OSTC: variants seen among roughly 807,000 people sequenced by gnomAD.
OSTC encodes the protein oligosaccharyltransferase complex subunit OSTC.
A neutral mutation model predicts 16.4 loss-of-function variants in OSTC; 16 were observed. That is an observed-to-expected ratio of 0.98 (90% CI 0.66 to 1.49). The LOEUF (loss-of-function observed/expected upper bound fraction) is 1.49, where lower values mean the gene tolerates loss of function less well. OSTC is among the 40% of genes most tolerant of loss of function. OSTC has a pLI of 0.00. For synonymous variants in OSTC, 67 were observed against 68.5 expected, an observed-to-expected ratio of 0.98 and a Z score of 0.11; for missense variants, 139 against 186.3, an observed-to-expected ratio of 0.75 and a Z score of 1.48.
In OSTC at chr4:108,657,448, A is replaced by G; in HGVS notation, c.234-2A>G. 1 of 1,603,888 alleles carries G rather than the reference A, an allele frequency of 6.2e-7. No homozygotes were observed. Among genetic ancestry groups the G allele is most frequent in the Non-Finnish European group, 8.5e-7 (1 of 1,172,460 alleles). On this transcript the variant is annotated splice_acceptor_variant, in intron 2 of 3. Transcript: ENST00000361564. LOFTEE classifies it high-confidence loss of function. ...TTCTATGGTCATTCTTTTCTTTTCC[A>G]GAGTAAATGGACAATATATTATGGA...
At position 108,662,348 on chromosome 4, in the gene OSTC, G is replaced by A. The variant is rs17585345; in HGVS notation, c.431+4701G>A. Among the ~76,000 whole-genome samples the A allele has an allele frequency of 8.5e-3, 1,298 of 152,174 alleles. 7 individuals carry two copies. The highest frequency in any genetic ancestry group is 0.014 in the Non-Finnish European group (921 of 67,992). On this transcript the variant is annotated intron_variant, in intron 3 of 3. Transcript: ENST00000361564. ...ATACTAAAACATTGTATTCATTTTC[G>A]ACAGACCCTCTTTCTAAAGCGTTTG...
intron 3 of OSTC, among the ~76,000 whole-genome samples, chr4:108,658,525 T>C (rs1726770717): frequency 1.3e-5 from 2 of 152,070 alleles, no homozygotes; most frequent in Admixed American, 1.3e-4. Flanking sequence ...AAAAATAAGA[T>C]CGTTTATGGC....
chr4:108,667,246 G>C lies in OSTC; in HGVS notation c.432-1G>C. On this transcript the variant is annotated splice_acceptor_variant, in intron 3 of 3. Coordinates refer to ENST00000361564, the MANE Select transcript of OSTC (RefSeq NM_021227.4). LOFTEE classifies it high-confidence loss of function. ...TTGTGCTTATAATTATATTTCTGCA[G>C]GGGCTATCTGATGGGTTAGAGTGCC... 1 of 1,608,298 alleles carries C rather than the reference G, an allele frequency of 6.2e-7. No homozygotes were observed. Among genetic ancestry groups the C allele is most frequent in the African/African-American group, 1.3e-5 (1 of 74,860 alleles).
intron 3 of OSTC, among the ~76,000 whole-genome samples, chr4:108,658,236 C>T (rs2851378): frequency 0.81 from 123,686 of 152,060 alleles, 50,635 homozygotes; most frequent in East Asian, 1. Context: ...CCAGCTGTCA[C>T]TGTTACTTTA....
In OSTC at chr4:108,650,615, C is replaced by T. The variant is rs765416243; in HGVS notation, c.-41C>T. The T allele has an allele frequency of 5.0e-6, 8 of 1,608,074 alleles. No individual in the cohort carries two copies. The highest frequency in any genetic ancestry group is 6.8e-6 in the Non-Finnish European group (8 of 1,176,110). ...AGGGCGGGCCTGTTTCCGGGAGGCGCGTGGGGCTTGAGGCCGAGAACGGCC... is the reference window on the plus strand; with the variant it reads ...AGGGCGGGCCTGTTTCCGGGAGGCGTGTGGGGCTTGAGGCCGAGAACGGCC... On this transcript the variant is annotated 5_prime_UTR_variant, in exon 1 of 4. Coordinates refer to ENST00000361564, the MANE Select transcript of OSTC (RefSeq NM_021227.4).
intron 3 of OSTC, among the ~76,000 whole-genome samples, chr4:108,661,494 C>T (rs1411315155): frequency 1.3e-5 from 2 of 152,146 alleles, no homozygotes; most frequent in African/African-American, 2.4e-5. Flanking sequence ...GACTGGTACA[C>T]GTTTGAACTT....
intron 1 of OSTC, among the ~76,000 whole-genome samples, chr4:108,654,194 TAGAA>T (rs1490727176): frequency 2.0e-5 from 3 of 152,160 alleles, no homozygotes; most frequent in Non-Finnish European, 4.4e-5. Flanking sequence ...TTGGTGACCT[TAGAA>T]AGAGCAGTAT....
chr4:108,665,216 A>T (rs1437339479), intron 3 of OSTC, among the ~76,000 whole-genome samples: 2 of 152,224 alleles, frequency 1.3e-5, no homozygotes, highest in Non-Finnish European at 2.9e-5. Flanking sequence ...CCAGTGAAGA[A>T]ACTTGGGACT....
At chr4:108,651,994 A>T (rs549142841) in intron 1 of OSTC, among the ~76,000 whole-genome samples, 1 of 152,372 alleles carries the variant, frequency 6.6e-6, no homozygotes, top group South Asian at 2.1e-4. Context: ...TGGTAACAAG[A>T]TACTATCTAG....
intron 3 of OSTC, among the ~76,000 whole-genome samples, chr4:108,660,025 G>A (rs905207263): frequency 6.6e-6 from 1 of 152,106 alleles, no homozygotes; most frequent in African/African-American, 2.4e-5. Context: ...AGAGCTATCT[G>A]CTACTGACAG....
At chr4:108,653,828 C>G (rs964723850) in intron 1 of OSTC, among the ~76,000 whole-genome samples, 1 of 152,158 alleles carries the variant, frequency 6.6e-6, no homozygotes, top group South Asian at 2.1e-4. Flanking sequence ...AGTCCAAAGT[C>G]TCTGTTCTTG....
At chr4:108,657,781 A>G in intron 3 of OSTC, 134 bp downstream of exon 3, 1 of 788,388 alleles carries the variant, frequency 1.3e-6, no homozygotes, top group Non-Finnish European at 2.0e-6. Flanking sequence ...ATATATTTGT[A>G]ACTTGGTCAG....
In OSTC at chr4:108,661,106, TA is replaced by T. The variant is rs1462906553; in HGVS notation, c.431+3460del. 1.7e-4 allele frequency among the ~76,000 whole-genome samples: 25 copies of T among 151,336 alleles called. No individual in the cohort carries two copies. The East Asian group carries it at 3.7e-3, about 22-fold the overall frequency. ...GGTAGTGCACGCCTGTAATCCCAGC[TA>T]TTTGGGAGGCTGAGGCACGAGAATT... On this transcript the variant is annotated intron_variant, in intron 3 of 3. Coordinates refer to ENST00000361564, the MANE Select transcript of OSTC (RefSeq NM_021227.4).
Position 108,650,634 on chromosome 4 carries a change from A to G in OSTC, c.-22A>G, listed in dbSNP as rs1726501539. The G allele has an allele frequency of 1.2e-5, 19 of 1,612,648 alleles. No homozygotes were observed. The East Asian group carries it at 4.0e-4, about 34-fold the overall frequency. Reference sequence around the variant, plus strand: ...GAGGCGCGTGGGGCTTGAGGCCGAGAACGGCCCTTGCTGCCACCAACATGG... The same window carrying G: ...GAGGCGCGTGGGGCTTGAGGCCGAGGACGGCCCTTGCTGCCACCAACATGG... On this transcript the variant is annotated 5_prime_UTR_variant, in exon 1 of 4. Coordinates refer to ENST00000361564, the MANE Select transcript of OSTC (RefSeq NM_021227.4).
In OSTC at chr4:108,650,640, C is replaced by T. The variant is rs541286852; in HGVS notation, c.-16C>T. The T allele has an allele frequency of 4.3e-6, 7 of 1,613,866 alleles. No homozygotes were observed. Among genetic ancestry groups the T allele is most frequent in the Admixed American group, 1.7e-5 (1 of 60,002 alleles). On this transcript the variant is annotated 5_prime_UTR_variant, in exon 1 of 4. Coordinates refer to ENST00000361564, the MANE Select transcript of OSTC (RefSeq NM_021227.4). ...CGTGGGGCTTGAGGCCGAGAACGGC[C>T]CTTGCTGCCACCAACATGGAGACTT...
At chr4:108,653,463 C>T (rs1726610697) in intron 1 of OSTC, among the ~76,000 whole-genome samples, 1 of 152,090 alleles carries the variant, frequency 6.6e-6, no homozygotes, top group African/African-American at 2.4e-5. Flanking sequence ...TTGTAGTTGA[C>T]TTAGACTATA....
At position 108,657,594 on chromosome 4, in the gene OSTC, C is replaced by G. The variant is rs957008494; in HGVS notation, c.378C>G (p.Val126=). 3 of 1,613,832 alleles carry G rather than the reference C, an allele frequency of 1.9e-6. No individual in the cohort carries two copies. The highest frequency in any genetic ancestry group is 2.5e-6 in the Non-Finnish European group (3 of 1,179,816). Residue 126 remains valine, a synonymous_variant, in exon 3 of 4, where the codon GTC becomes GTG. Transcript: ENST00000361564. The part of the protein sequence containing the change: ...NRFLLLFIGF[V]CVLLSFFMAR... ...TCCTTCTTCTGTTCATTGGATTCGT[C>G]TGTGTCCTATTGAGTTTTTTCATGG...
At chr4:108,650,933 C>T in intron 1 of OSTC, 139 bp downstream of exon 1, 2 of 1,279,366 alleles carry the variant, frequency 1.6e-6, no homozygotes, top group East Asian at 2.5e-5. Flanking sequence ...GAGGGGAGTT[C>T]TGGGGTCCGA....
chr4:108,653,540 T>A (rs913598065), intron 1 of OSTC, among the ~76,000 whole-genome samples: 1 of 152,160 alleles, frequency 6.6e-6, no homozygotes, highest in Admixed American at 6.5e-5. Context: ...ATTCAGTAGG[T>A]CTTGAATTCA....
Sources: gnomAD v4.1 joint callset for allele counts (sites outside exome capture counted in the v4.1 genomes callset) on GRCh38, gnomAD v4.1.1 for gene constraint, MANE v1.5 for transcripts, NCBI Gene and HGNC (gene_info 2026-07-23, HGNC 2026-07-21) for gene names.